The following ZNF316 variants were observed in gnomAD, a reference collection of about 807,000 sequenced individuals.
The protein encoded by ZNF316 is zinc finger protein 316.
Under a neutral mutation model 75.6 loss-of-function variants are expected in ZNF316, and 23 were observed. The ratio of observed to expected loss-of-function variants is 0.30; its 90% CI spans 0.22 to 0.43. The LOEUF (loss-of-function observed/expected upper bound fraction) is 0.43, where lower values mean the gene tolerates loss of function less well. ZNF316 is among the 20% of genes least tolerant of loss of function. The pLI, the probability that ZNF316 is intolerant of heterozygous loss-of-function variation, is 1.00. For synonymous variants in ZNF316, 827 were observed against 666.2 expected (o/e 1.24, Z -3.72); for missense variants, 1,266 against 1,409.4 (o/e 0.90, Z 1.63).
chr7:6,644,409 C>A, intron 7 of ZNF316, 71 bp from the exon 8 acceptor site: 1 of 820,204 alleles, frequency 1.2e-6, no homozygotes, highest in Non-Finnish European at 1.6e-6. Flanking sequence ...TGAGCGGTGG[C>A]ACAGCACGGG....
rs1001849078 is a variant in ZNF316 at position 6,654,686 on chromosome 7, C to T, written c.*75C>T. 46 of 1,117,864 alleles carry T rather than the reference C, an allele frequency of 4.1e-5. No individual in the cohort carries two copies. The highest frequency in any genetic ancestry group is 8.3e-5 in the African/African-American group (5 of 59,992). The allele number at this position is 1,117,864 out of a possible 1,614,324, so 69.2% of individuals were successfully genotyped here. On this transcript the variant is annotated 3_prime_UTR_variant, in exon 9 of 9. Coordinates refer to ENST00000382252, the MANE Select transcript of ZNF316 (RefSeq NM_001278559.2). ...CTTGGACGGCCGGCCCCCCGCTCCT[C>T]GGGCCCCGGGAGGCTGAGGGTCCCA...
At position 6,654,165 on chromosome 7, in the gene ZNF316, A is replaced by T; in HGVS notation, c.2569A>T (p.Lys857Ter). Residue 857 changes from lysine to a stop codon, truncating the protein, a stop_gained, in exon 9 of 9, where the codon AAG becomes TAG. Coordinates refer to ENST00000382252, the MANE Select transcript of ZNF316 (RefSeq NM_001278559.2). LOFTEE classifies it high-confidence loss of function. ...GCATCGGCGCACGCACACGGGCGAGAAGCCCTTCCGCTGCGCCGACTGCGG... is the reference window on the plus strand; with the variant it reads ...GCATCGGCGCACGCACACGGGCGAGTAGCCCTTCCGCTGCGCCGACTGCGG... ...KRHRRTHTGE[K>*]PFRCADCGRG... 1 of 1,221,898 alleles carries T rather than the reference A, an allele frequency of 8.2e-7. No homozygotes were observed. The highest frequency in any genetic ancestry group is 1.0e-6 in the Non-Finnish European group (1 of 981,134). The allele number at this position is 1,221,898 out of a possible 1,614,324, so 75.7% of individuals were successfully genotyped here. A position where few individuals can be genotyped will look rare whatever the true frequency, so the allele number is the denominator to read the frequency against.
intron 6 of ZNF316, among the ~76,000 whole-genome samples, chr7:6,643,370 C>T (rs1486671821): frequency 6.6e-6 from 1 of 152,236 alleles, no homozygotes; most frequent in Admixed American, 6.5e-5. Context: ...AAGGCTGGCC[C>T]TCCCCTCACC....
Position 6,652,559 on chromosome 7 carries a change from G to A in ZNF316, c.963G>A (p.Glu321=), listed in dbSNP as rs1015841480. 9 of 1,230,906 alleles carry A rather than the reference G, an allele frequency of 7.3e-6. No individual in the cohort carries two copies. The African/African-American group carries it at 7.8e-5, about 11-fold the overall frequency. 76.2% of individuals were successfully genotyped at this position (1,230,906 alleles called of 1,614,324 possible). A position where few individuals can be genotyped will look rare whatever the true frequency, so the allele number is the denominator to read the frequency against. ...SEAKPFLPGR[E]PGANLLSPWA... ...CGAAGCCTTTCCTGCCCGGCCGGGA[G>A]CCGGGTGCGAACCTGCTGTCGCCCT... Residue 321 remains glutamate, a synonymous_variant, in exon 9 of 9, where the codon GAG becomes GAA. Coordinates refer to ENST00000382252, the MANE Select transcript of ZNF316 (RefSeq NM_001278559.2).
rs1052485425 is a variant in ZNF316 at position 6,637,344 on chromosome 7, G to C, written c.-534G>C. 1 of 149,814 alleles carries C rather than the reference G, an allele frequency of 6.7e-6. No homozygotes were observed. The highest frequency in any genetic ancestry group is 1.5e-5 in the Non-Finnish European group (1 of 67,180). 9.3% of individuals were successfully genotyped at this position (149,814 alleles called of 1,614,324 possible). A position where few individuals can be genotyped will look rare whatever the true frequency, so the allele number is the denominator to read the frequency against. On this transcript the variant is annotated 5_prime_UTR_variant, in exon 1 of 9. Transcript: ENST00000382252. The surrounding 1 kb of genome is among the most constrained non-coding windows in gnomAD (Gnocchi z 6.2). Reference sequence around the variant, plus strand: ...CTTCCGGTGCCCACGCGCCGCCGTCGCGCAGCTCCCGGGCCGTCACTTTGT... The same window carrying C: ...CTTCCGGTGCCCACGCGCCGCCGTCCCGCAGCTCCCGGGCCGTCACTTTGT...
rs2249754 is a variant in ZNF316, at chr7:6,654,874, C to G, written c.*263C>G. 66,630 of 254,696 alleles carry G rather than the reference C, an allele frequency of 0.26. 10,591 individuals carry two copies. The highest frequency in any genetic ancestry group is 0.68 in the East Asian group (9,061 of 13,400). 15.8% of individuals were successfully genotyped at this position (254,696 alleles called of 1,614,324 possible). A position where few individuals can be genotyped will look rare whatever the true frequency, so the allele number is the denominator to read the frequency against. On this transcript the variant is annotated 3_prime_UTR_variant, in exon 9 of 9. Coordinates refer to ENST00000382252, the MANE Select transcript of ZNF316 (RefSeq NM_001278559.2). ...ACCCCCACGGAGACTGCGATATCCC[C>G]TGGGTGGGCCCGGGCTGTGAAGCAG...
chr7:6,654,325 C>T lies in ZNF316; in HGVS notation c.2729C>T (p.Thr910Met). 8.2e-7 allele frequency: 1 copy of T among 1,223,318 alleles called. No individual in the cohort carries two copies. The highest frequency in any genetic ancestry group is 1.0e-6 in the Non-Finnish European group (1 of 982,190). The allele number at this position is 1,223,318 out of a possible 1,614,324, so 75.8% of individuals were successfully genotyped here. ...SVLVTHQRTH[T>M]GERPYACANC... ...CTGGTCACGCACCAGCGCACACATA[C>T]GGGCGAGCGGCCCTACGCCTGCGCC... Residue 910 changes from threonine to methionine, a missense_variant, in exon 9 of 9, where the codon ACG becomes ATG. Around this residue, in one of 3 missense-constraint regions of ZNF316, gnomAD observed 194 missense variants for 319.2 expected, o/e 0.61. Transcript: ENST00000382252.
At position 6,653,153 on chromosome 7, in the gene ZNF316, G is replaced by A. The variant is rs572995417; in HGVS notation, c.1557G>A (p.Arg519=). 2.8e-4 allele frequency: 327 copies of A among 1,185,948 alleles called. No individual in the cohort carries two copies. Among genetic ancestry groups the A allele is most frequent in the Non-Finnish European group, 3.3e-4 (318 of 958,900 alleles). The allele number at this position is 1,185,948 out of a possible 1,614,324, so 73.5% of individuals were successfully genotyped here. The change falls in exon 9 of 9, where the codon CGG becomes CGA. Residue 519 remains arginine, a synonymous_variant. Coordinates refer to ENST00000382252, the MANE Select transcript of ZNF316 (RefSeq NM_001278559.2). ...AGGCGGGTGGTGACGGCCCCCGGCG[G>A]GAGCCCGGCGAGACGGCGGCCGCCG... The part of the protein sequence containing the change: ...CAEAGGDGPR[R]EPGETAAAAG...
intron 8 of ZNF316, among the ~76,000 whole-genome samples, chr7:6,648,591 G>A (rs1779450664): frequency 6.6e-6 from 1 of 152,182 alleles, no homozygotes; most frequent in African/African-American, 2.4e-5. Context: ...TGCAGGTGCT[G>A]TTATCAACCC....
At position 6,653,622 on chromosome 7, in the gene ZNF316, C is replaced by T. The variant is rs1779560810; in HGVS notation, c.2026C>T (p.Leu676=). The change falls in exon 9 of 9, where the codon CTG becomes TTG. Residue 676 remains leucine (L), a synonymous_variant. Transcript: ENST00000382252. ...GTTCGGGCCCGCCATCGGGGGTCTG[C>T]TGGCGGAGCCCGCGCCGGCCGCGCT... ...RAFGPAIGGL[L]AEPAPAALAE... is the part of the protein sequence containing the mutation. 17 of 1,061,804 alleles carry T rather than the reference C, an allele frequency of 1.6e-5. No homozygotes were observed. The highest frequency in any genetic ancestry group is 1.9e-5 in the Non-Finnish European group (17 of 877,920). 65.8% of individuals were successfully genotyped at this position (1,061,804 alleles called of 1,614,324 possible).
intron 8 of ZNF316, among the ~76,000 whole-genome samples, chr7:6,648,528 G>A (rs988180714): frequency 6.6e-6 from 1 of 152,198 alleles, no homozygotes; most frequent in Admixed American, 6.5e-5. Flanking sequence ...CAGCCGCATC[G>A]CAGGTGTTTA....
chr7:6,638,906 G>T (rs1011033270), intron 2 of ZNF316, 136 bp from the exon 3 acceptor site: 1 of 152,596 alleles, frequency 6.6e-6, no homozygotes, highest in East Asian at 1.9e-4. Context: ...GTGCAGGCCT[G>T]GGGGAGGCAG....
rs929573848 is a variant in ZNF316, at chr7:6,642,270, C to T, written c.-28-112C>T. ...ATCTCCATTGCCTTCAACTACATAACAGGAGGAGTAAATCCTGCTCCCTGC... is the reference window on the plus strand; with the variant it reads ...ATCTCCATTGCCTTCAACTACATAATAGGAGGAGTAAATCCTGCTCCCTGC... On this transcript the variant is annotated intron_variant, in intron 4 of 8. Coordinates refer to ENST00000382252, the MANE Select transcript of ZNF316 (RefSeq NM_001278559.2). This position sits in a 1 kb window ranked among gnomAD's most constrained non-coding sequence, Gnocchi z 8.1. 4.1e-5 allele frequency: 18 copies of T among 444,412 alleles called. No individual in the cohort carries two copies. Among genetic ancestry groups the T allele is most frequent in the Non-Finnish European group, 6.0e-5 (16 of 268,612 alleles). 27.5% of individuals were successfully genotyped at this position (444,412 alleles called of 1,614,324 possible).
intron 7 of ZNF316, 30 bp from the exon 8 acceptor site, chr7:6,644,450 G>A (rs1029238311): frequency 5.0e-6 from 6 of 1,205,016 alleles, no homozygotes; most frequent in African/African-American, 1.6e-5. Flanking sequence ...CACGGGAGCC[G>A]CCTGCAGCCG....
Position 6,640,537 on chromosome 7 carries a change from G to A in ZNF316, c.-166-1288G>A, listed in dbSNP as rs1426037569. On this transcript the variant is annotated intron_variant, in intron 3 of 8. Coordinates refer to ENST00000382252, the MANE Select transcript of ZNF316 (RefSeq NM_001278559.2). The surrounding 1 kb of genome is among the most constrained non-coding windows in gnomAD (Gnocchi z 5.1). Reference sequence around the variant, plus strand: ...AGGGGATGGCCCAAGATTCAGGAGGGACCCACCCCCATGATCCAGTCACCT... The same window carrying A: ...AGGGGATGGCCCAAGATTCAGGAGGAACCCACCCCCATGATCCAGTCACCT... Among the ~76,000 whole-genome samples, 1 of 152,190 alleles carries A rather than the reference G, an allele frequency of 6.6e-6. No homozygotes were observed. The highest frequency in any genetic ancestry group is 1.5e-5 in the Non-Finnish European group (1 of 68,024).
rs1047817671 is a variant in ZNF316 at position 6,658,219 on chromosome 7, T to C, written c.*3608T>C. Among the ~76,000 whole-genome samples the C allele has an allele frequency of 1.3e-5, 2 of 152,322 alleles. No homozygotes were observed. The highest frequency in any genetic ancestry group is 2.9e-5 in the Non-Finnish European group (2 of 68,042). On this transcript the variant is annotated 3_prime_UTR_variant, in exon 9 of 9. Transcript: ENST00000382252. Reference sequence around the variant, plus strand: ...TTTTTTCTTTCTCTAATTGGCTACATATGGAATAAAGTATTTTGAATTACT... The same window carrying C: ...TTTTTTCTTTCTCTAATTGGCTACACATGGAATAAAGTATTTTGAATTACT...
intron 8 of ZNF316, among the ~76,000 whole-genome samples, chr7:6,650,026 C>A (rs1041171984): frequency 1.3e-5 from 2 of 152,200 alleles, no homozygotes; most frequent in Non-Finnish European, 2.9e-5. Flanking sequence ...TAAATGCTCG[C>A]TGAGTCTTGG....
Position 6,654,452 on chromosome 7 carries a change from C to T in ZNF316, c.2856C>T (p.Pro952=), listed in dbSNP as rs1779579323. Residue 952 remains proline, a synonymous_variant, in exon 9 of 9, where the codon CCC becomes CCT. Coordinates refer to ENST00000382252, the MANE Select transcript of ZNF316 (RefSeq NM_001278559.2). Reference sequence around the variant, plus strand: ...CGGGCTCGGGTTCGGCCCCAGCCCCCGCGCCCAAGCCCGAGGCGGCCGCCA... The same window carrying T: ...CGGGCTCGGGTTCGGCCCCAGCCCCTGCGCCCAAGCCCGAGGCGGCCGCCA... ...AAPGSGSAPA[P]APKPEAAAKG... is the part of the protein sequence containing the mutation. The T allele has an allele frequency of 5.0e-6, 6 of 1,200,088 alleles. No individual in the cohort carries two copies. Among genetic ancestry groups the T allele is most frequent in the African/African-American group, 1.6e-5 (1 of 63,008 alleles). 74.3% of individuals were successfully genotyped at this position (1,200,088 alleles called of 1,614,324 possible). A position where few individuals can be genotyped will look rare whatever the true frequency, so the allele number is the denominator to read the frequency against.
At position 6,654,869 on chromosome 7, in the gene ZNF316, AT is replaced by A. The variant is rs1296092763; in HGVS notation, c.*259del. ...ACGTCACCCCCACGGAGACTGCGAT[AT>A]CCCCTGGGTGGGCCCGGGCTGTGAA... is the stretch of plus-strand genomic sequence containing the variant. On this transcript the variant is annotated 3_prime_UTR_variant, in exon 9 of 9. Transcript: ENST00000382252. The A allele has an allele frequency of 1.1e-5, 3 of 263,834 alleles. No individual in the cohort carries two copies. Among genetic ancestry groups the A allele is most frequent in the Non-Finnish European group, 2.1e-5 (3 of 140,246 alleles). The allele number at this position is 263,834 out of a possible 1,614,324, so 16.3% of individuals were successfully genotyped here.
Sources: gnomAD v4.1 joint callset for allele counts (sites outside exome capture counted in the v4.1 genomes callset) on GRCh38, gnomAD v4.1.1 for gene constraint, gnomAD v4.1.1 regional missense constraint, Gnocchi (gnomAD v3.1) non-coding constraint, MANE v1.5 for transcripts, NCBI Gene and HGNC (gene_info 2026-07-23, HGNC 2026-07-21) for gene names.